Variants in WDR27 observed in about 807,000 individuals in gnomAD.
WDR27 encodes the protein WD repeat domain 27.
In WDR27, 100 loss-of-function variants were observed where a neutral mutation model predicts 114.4. That is an observed-to-expected ratio of 0.87 (90% CI 0.74 to 1.03). WDR27 has a LOEUF of 1.03. Ranked by LOEUF, WDR27 falls within the 50% of genes least tolerant of loss-of-function variation. WDR27 has a pLI of 0.00. For missense variants in WDR27, 1,129 were observed against 1,092.9 expected (o/e 1.03, Z -0.47); for synonymous variants, 449 against 423.1 (o/e 1.06, Z -0.75).
At chr6:169,697,711 G>T (rs1786573103) in intron 1 of WDR27, among the ~76,000 whole-genome samples, 1 of 152,174 alleles carries the variant, frequency 6.6e-6, no homozygotes, top group South Asian at 2.1e-4. Flanking sequence ...CTCTGCCTTG[G>T]CTGCCAGGCA....
chr6:169,439,498 C>G, the WDR27 span, among the ~76,000 whole-genome samples: 4 of 151,932 alleles, frequency 2.6e-5, no homozygotes, highest in African/African-American at 9.7e-5. Flanking sequence ...ACTTTAAGAT[C>G]AATGGACTAA....
intron 1 of WDR27, among the ~76,000 whole-genome samples, chr6:169,697,336 A>G (rs984514370): frequency 2.6e-4 from 39 of 152,138 alleles, no homozygotes; most frequent in African/African-American, 8.7e-4. Flanking sequence ...TAACGCCAGC[A>G]TCTGGGAAGA....
chr6:169,581,814 C>CG (rs57151211), intron 24 of WDR27, among the ~76,000 whole-genome samples: 135,924 of 152,216 alleles, frequency 0.89, 61,291 homozygotes, highest in East Asian at 0.99. Context: ...CAGAGAAGAG[C>CG]GGGTCACAAG....
intron 25 of WDR27, among the ~76,000 whole-genome samples, chr6:169,472,596 T>A (rs1361628657): frequency 2.6e-5 from 4 of 152,190 alleles, no homozygotes; most frequent in African/African-American, 9.7e-5. Context: ...AAGCATTACA[T>A]AAATGTTATG....
In WDR27 at chr6:169,659,102, GGCTCTGCCCCATGCT is replaced by G; in HGVS notation, c.1288_1302del (p.Ser430_Ser434del). The G allele has an allele frequency of 6.4e-7, 1 of 1,564,000 alleles. No individual in the cohort carries two copies. The highest frequency in any genetic ancestry group is 8.6e-7 in the Non-Finnish European group (1 of 1,157,746). ...ACACTCTACCTGGCTGGCACCGAGA[GGCTCTGCCCCATGCT>G]GGGGCACTGCTGAGCCCTGACTAGC... On this transcript the variant is annotated inframe_deletion, in exon 12 of 26. Coordinates refer to ENST00000448612, the MANE Select transcript of WDR27 (RefSeq NM_182552.5). The surrounding 1 kb of genome is among the most constrained non-coding windows in gnomAD (Gnocchi z 4.3).
intron 25 of WDR27, among the ~76,000 whole-genome samples, chr6:169,481,463 G>A (rs189969818): frequency 5.3e-5 from 8 of 152,302 alleles, no homozygotes; most frequent in East Asian, 1.9e-4. Context: ...TCCCTTCCAC[G>A]CTGTGGAAAC....
rs990756070 is a variant in WDR27 at position 169,579,496 on chromosome 6, G to A, written c.2523+3340C>T. 2.6e-5 allele frequency among the ~76,000 whole-genome samples: 4 copies of A among 152,152 alleles called. No individual in the cohort carries two copies. In the East Asian group the frequency reaches 7.7e-4, roughly 29 times the overall value. ...ATGACCCTGCTGATCAAAACAGGAT[G>A]TAGCACAGGAACTGGCCCAAACCAG... On this transcript the variant is annotated intron_variant, in intron 24 of 25. Coordinates refer to ENST00000448612, the MANE Select transcript of WDR27 (RefSeq NM_182552.5).
At chr6:169,541,116 C>G (rs1164717686) in intron 25 of WDR27, among the ~76,000 whole-genome samples, 3 of 147,732 alleles carry the variant, frequency 2.0e-5, no homozygotes, top group Admixed American at 6.9e-5. Context: ...TAATAAGGAC[C>G]ATTAAGGAAA....
chr6:169,534,156 T>C (rs1019814924), intron 25 of WDR27, among the ~76,000 whole-genome samples: 3 of 152,248 alleles, frequency 2.0e-5, no homozygotes, highest in Non-Finnish European at 4.4e-5. Context: ...GATATGATTG[T>C]GTGGTTTTGT....
At chr6:169,660,797 C>T (rs1374838585) in intron 9 of WDR27, 31 bp from the exon 10 acceptor site, 1 of 1,592,364 alleles carries the variant, frequency 6.3e-7, no homozygotes, top group Non-Finnish European at 8.6e-7. Context: ...AAAGAATACA[C>T]AATAATCTTA....
At chr6:169,444,620 A>G in the WDR27 span, among the ~76,000 whole-genome samples, 1 of 151,600 alleles carries the variant, frequency 6.6e-6, no homozygotes, top group Non-Finnish European at 1.5e-5. Context: ...CCTTCACTTT[A>G]GAGGTTGACT....
chr6:169,595,383 CCTCT>C (rs1431360620), intron 23 of WDR27, among the ~76,000 whole-genome samples: 5 of 152,272 alleles, frequency 3.3e-5, no homozygotes, highest in African/African-American at 9.6e-5. Flanking sequence ...TTGGTCCACT[CCTCT>C]CTAAGACAAT....
intron 25 of WDR27, among the ~76,000 whole-genome samples, chr6:169,529,842 G>GA (rs200499281): frequency 1.2e-4 from 18 of 148,340 alleles, no homozygotes; most frequent in South Asian, 2.1e-4. Flanking sequence ...ATCCTTGAAT[G>GA]AAAAAAAAAA....
rs137912088 is a variant in WDR27, at chr6:169,473,599, C to T, written c.2646-15965G>A. ...TCAATGGCAAGGGACAGAAACCCAA[C>T]TTGCACTAGTTTAGCAGAAAGGCAT... is the stretch of plus-strand genomic sequence containing the variant. On this transcript the variant is annotated intron_variant, in intron 25 of 25. Transcript: ENST00000448612. Among the ~76,000 whole-genome samples the T allele has an allele frequency of 1.9e-3, 294 of 152,058 alleles. 1 individual carries two copies. The highest frequency in any genetic ancestry group is 6.8e-3 in the African/African-American group (282 of 41,484).
chr6:169,624,461 C>T (rs568408602), intron 21 of WDR27, among the ~76,000 whole-genome samples: 1 of 152,266 alleles, frequency 6.6e-6, no homozygotes, highest in East Asian at 1.9e-4. Context: ...GAATGAAACG[C>T]TCGTGTCCAC....
chr6:169,529,333 G>C (rs1286127604), intron 25 of WDR27, among the ~76,000 whole-genome samples: 1 of 144,368 alleles, frequency 6.9e-6, no homozygotes, highest in Non-Finnish European at 1.5e-5. Context: ...GGCAGCTAAT[G>C]CTAATAAGCT....
At chr6:169,506,210 C>A (rs1274451396) in intron 25 of WDR27, among the ~76,000 whole-genome samples, 2 of 152,096 alleles carry the variant, frequency 1.3e-5, no homozygotes, top group Non-Finnish European at 2.9e-5. Flanking sequence ...CTTTTGTTTT[C>A]CTTTTGATGG....
intron 25 of WDR27, among the ~76,000 whole-genome samples, chr6:169,492,233 G>C (rs1359861951): frequency 6.7e-6 from 1 of 149,610 alleles, no homozygotes; most frequent in Non-Finnish European, 1.5e-5. Flanking sequence ...AAAAAAAAAA[G>C]CAGCAGATCA....
At chr6:169,688,764 G>A in intron 2 of WDR27, 53 bp downstream of exon 2, 1 of 1,433,910 alleles carries the variant, frequency 7.0e-7, no homozygotes, top group Non-Finnish European at 9.3e-7. Context: ...TCAAAGACAT[G>A]GAGAGACAAG....
Sources: gnomAD v4.1 joint callset for allele counts (sites outside exome capture counted in the v4.1 genomes callset) on GRCh38, gnomAD v4.1.1 for gene constraint, Gnocchi (gnomAD v3.1) non-coding constraint, MANE v1.5 for transcripts, NCBI Gene and HGNC (gene_info 2026-07-23, HGNC 2026-07-21) for gene names.